The following EPHA6 variants were observed in gnomAD, a reference collection of about 807,000 sequenced individuals.
EPHA6 encodes the protein EPH receptor A6, also known as ephrin type-A receptor 6.
In EPHA6, 50 loss-of-function variants were observed where a neutral mutation model predicts 112.0. The observed-to-expected ratio is 0.45, with a 90% CI of 0.36 to 0.56. The LOEUF (loss-of-function observed/expected upper bound fraction) is 0.56, where lower values mean the gene tolerates loss of function less well. Among genes scored for constraint, EPHA6 ranks in the 20% least tolerant of loss-of-function variants. The probability of loss-of-function intolerance (pLI) is 0.00; values close to 1 mark genes in which losing one functional copy is unlikely to be tolerated. For synonymous variants in EPHA6, 529 were observed against 490.7 expected (o/e 1.08, Z -1.03); for missense variants, 1,280 against 1,417.4 (o/e 0.90, Z 1.56).
chr3:97,380,966 G>A (rs2085694090), intron 5 of EPHA6, among the ~76,000 whole-genome samples: 1 of 151,948 alleles, frequency 6.6e-6, no homozygotes, highest in African/African-American at 2.4e-5. Context: ...CTCTCATATA[G>A]ATGCTTTTTC....
intron 5 of EPHA6, among the ~76,000 whole-genome samples, chr3:97,324,403 T>TC (rs1459684046): frequency 8.2e-5 from 12 of 146,990 alleles, no homozygotes; most frequent in South Asian, 6.4e-4. Context: ...TTGCTTTCCT[T>TC]CTTTTCTTTC....
intron 2 of EPHA6, among the ~76,000 whole-genome samples, chr3:96,972,528 T>G (rs1200287912): frequency 6.6e-6 from 1 of 151,970 alleles, no homozygotes; most frequent in African/African-American, 2.4e-5. Flanking sequence ...TCCGTGTTAT[T>G]AGAATATTTC....
intron 15 of EPHA6, among the ~76,000 whole-genome samples, chr3:97,725,849 C>A (rs1011494192): frequency 6.6e-6 from 1 of 151,964 alleles, no homozygotes; most frequent in Non-Finnish European, 1.5e-5. Flanking sequence ...TAAGAGCCAC[C>A]GCTTTCTAGC....
chr3:97,115,459 A>T (rs1485342427), intron 3 of EPHA6, among the ~76,000 whole-genome samples: 2 of 151,796 alleles, frequency 1.3e-5, no homozygotes, highest in African/African-American at 4.8e-5. Context: ...AGGAACTGAG[A>T]GTGGTAGGAA....
intron 5 of EPHA6, among the ~76,000 whole-genome samples, chr3:97,345,822 G>A (rs1474477847): frequency 6.6e-6 from 1 of 152,050 alleles, no homozygotes; most frequent in Non-Finnish European, 1.5e-5. Flanking sequence ...TCTTTTAGTA[G>A]CTATAGCTGC....
intron 6 of EPHA6, among the ~76,000 whole-genome samples, chr3:97,440,154 C>T (rs912217040): frequency 7.9e-5 from 12 of 152,050 alleles, no homozygotes; most frequent in Middle Eastern, 3.2e-3. Context: ...AAATTAAGTG[C>T]TAAATGCTGG....
chr3:97,564,480 C>A (rs2093234913), intron 11 of EPHA6, among the ~76,000 whole-genome samples: 1 of 151,988 alleles, frequency 6.6e-6, no homozygotes, highest in Non-Finnish European at 1.5e-5. Context: ...TTCTCACAAT[C>A]AAATTTAAAT....
intron 3 of EPHA6, among the ~76,000 whole-genome samples, chr3:97,213,742 T>C (rs959411476): frequency 6.6e-6 from 1 of 152,186 alleles, no homozygotes; most frequent in Non-Finnish European, 1.5e-5. Flanking sequence ...TGTGTATTCT[T>C]CCTAGATTTT....
At chr3:96,842,024 T>C (rs1473089419) in intron 1 of EPHA6, among the ~76,000 whole-genome samples, 3 of 152,054 alleles carry the variant, frequency 2.0e-5, no homozygotes, top group African/African-American at 7.2e-5. Flanking sequence ...CATGCACCTG[T>C]GTTGCAGCTG....
intron 13 of EPHA6, among the ~76,000 whole-genome samples, chr3:97,623,038 T>C (rs2093826467): frequency 6.6e-6 from 1 of 151,858 alleles, no homozygotes; most frequent in Non-Finnish European, 1.5e-5. Context: ...AAGCATTTTC[T>C]CCCATTCTGT....
intron 14 of EPHA6, among the ~76,000 whole-genome samples, chr3:97,690,668 A>G (rs2032601408): frequency 6.6e-6 from 1 of 152,126 alleles, no homozygotes; most frequent in Non-Finnish European, 1.5e-5. Flanking sequence ...AGGTTTCGCC[A>G]TGTTGACCAG....
At chr3:97,097,769 A>G (rs2047285073) in intron 3 of EPHA6, among the ~76,000 whole-genome samples, 1 of 152,010 alleles carries the variant, frequency 6.6e-6, no homozygotes, top group Admixed American at 6.6e-5. Flanking sequence ...ATTTAATGCT[A>G]AGAAATGCTT....
At chr3:97,549,691 T>TCCCAGC (rs1178570317) in intron 11 of EPHA6, among the ~76,000 whole-genome samples, 2 of 152,042 alleles carry the variant, frequency 1.3e-5, no homozygotes, top group Non-Finnish European at 1.5e-5. Context: ...ACACCTGTAG[T>TCCCAGC]CCCAGCTACT....
At chr3:97,449,787 A>G (rs2107324106) in intron 7 of EPHA6, among the ~76,000 whole-genome samples, 1 of 152,218 alleles carries the variant, frequency 6.6e-6, no homozygotes, top group East Asian at 1.9e-4. Flanking sequence ...AAATCTTATC[A>G]TTTGTATTAT....
At chr3:97,485,921 A>T (rs1276348288) in intron 10 of EPHA6, among the ~76,000 whole-genome samples, 1 of 152,234 alleles carries the variant, frequency 6.6e-6, no homozygotes, top group African/African-American at 2.4e-5. Context: ...TTTGTGCTAC[A>T]GCATAACAAA....
At chr3:97,372,102 T>C (rs2085090408) in intron 5 of EPHA6, among the ~76,000 whole-genome samples, 2 of 152,146 alleles carry the variant, frequency 1.3e-5, no homozygotes, top group South Asian at 4.1e-4. Flanking sequence ...GCATGTGATC[T>C]CTGTGACCCA....
intron 6 of EPHA6, among the ~76,000 whole-genome samples, chr3:97,447,364 TTA>T (rs1459901257): frequency 8.5e-5 from 13 of 152,130 alleles, no homozygotes. Context: ...GATGGGAATA[TTA>T]TAGACAGAAT....
intron 2 of EPHA6, among the ~76,000 whole-genome samples, chr3:96,979,648 CT>C (rs1306673998): frequency 6.6e-6 from 1 of 152,148 alleles, no homozygotes; most frequent in Admixed American, 6.5e-5. Flanking sequence ...AATGGTTGAA[CT>C]AGTTTACAGA....
chr3:97,230,340 A>C (rs1272943848), intron 4 of EPHA6, among the ~76,000 whole-genome samples: 1 of 152,178 alleles, frequency 6.6e-6, no homozygotes, highest in Non-Finnish European at 1.5e-5. Flanking sequence ...AAGGTCTATG[A>C]ATGTGATAAG....
Sources: gnomAD v4.1 joint callset for allele counts (sites outside exome capture counted in the v4.1 genomes callset) on GRCh38, gnomAD v4.1.1 for gene constraint, MANE v1.5 for transcripts, NCBI Gene and HGNC (gene_info 2026-07-23, HGNC 2026-07-21) for gene names.